Variants in ANKRD33B observed in about 807,000 individuals in gnomAD.
The protein encoded by ANKRD33B is ankyrin repeat domain-containing protein 33B.
Under a neutral mutation model 21.5 loss-of-function variants are expected in ANKRD33B, and 6 were observed. That is an observed-to-expected ratio of 0.28 (90% CI 0.15 to 0.55). ANKRD33B has a LOEUF of 0.55. Among genes scored for constraint, ANKRD33B ranks in the 20% least tolerant of loss-of-function variants. ANKRD33B has a pLI of 0.94. For missense variants in ANKRD33B, 698 were observed against 747.2 expected, an observed-to-expected ratio of 0.93 and a Z score of 0.77; for synonymous variants, 347 against 342.4, an observed-to-expected ratio of 1.01 and a Z score of -0.15.
At chr5:10,601,922 C>T (rs1171534605) in intron 1 of ANKRD33B, among the ~76,000 whole-genome samples, 1 of 152,238 alleles carries the variant, frequency 6.6e-6, no homozygotes, top group Non-Finnish European at 1.5e-5. Context: ...GTAGAGCACC[C>T]AGGAGCTGGT....
chr5:10,610,523 G>A (rs1736147520), intron 1 of ANKRD33B, among the ~76,000 whole-genome samples: 1 of 151,954 alleles, frequency 6.6e-6, no homozygotes, highest in Non-Finnish European at 1.5e-5. Flanking sequence ...TACAGATCAA[G>A]GTTTTAATTT....
At chr5:10,647,261 C>T (rs138408776) in intron 3 of ANKRD33B, among the ~76,000 whole-genome samples, 335 of 152,192 alleles carry the variant, frequency 2.2e-3, no homozygotes, top group African/African-American at 7.7e-3. Context: ...CCTGCCACCA[C>T]GCCCAGCTAA....
At chr5:10,634,667 G>A (rs1346919085) in intron 2 of ANKRD33B, among the ~76,000 whole-genome samples, 2 of 151,170 alleles carry the variant, frequency 1.3e-5, no homozygotes, top group African/African-American at 4.9e-5. Flanking sequence ...TGTTGCCCAG[G>A]CCGGTCTTGA....
At position 10,635,633 on chromosome 5, in the gene ANKRD33B, C is replaced by T. The variant is rs117440162; in HGVS notation, c.497-2395C>T. Among the ~76,000 whole-genome samples, 41 of 152,322 alleles carry T rather than the reference C, an allele frequency of 2.7e-4. No homozygotes were observed. In the East Asian group the frequency reaches 6.9e-3, roughly 26 times the overall value. On this transcript the variant is annotated intron_variant, in intron 2 of 3. Transcript: ENST00000296657. The stretch of plus-strand genomic sequence containing the variant: ...TCAGGAGATGGGCTGAGGTCAATGG[C>T]GAGCTTGCTCCTCAGGAGAGTTCAC...
intron 1 of ANKRD33B, among the ~76,000 whole-genome samples, chr5:10,598,963 G>A (rs549163498): frequency 1.3e-5 from 2 of 152,174 alleles, no homozygotes; most frequent in African/African-American, 4.8e-5. Context: ...GTGAACAGCC[G>A]TATGATTTTG....
In ANKRD33B at chr5:10,618,394, G is replaced by A. The variant is rs746481449; in HGVS notation, c.428G>A (p.Cys143Tyr). Residue 143 changes from cysteine (C) to tyrosine (Y), a missense_variant, in exon 2 of 4, where the codon TGC becomes TAC. Cys to Tyr is a radical substitution (Grantham distance 194). Around this residue, in one of 3 missense-constraint regions of ANKRD33B, gnomAD observed 543 missense variants for 566.5 expected, o/e 0.96. Coordinates refer to ENST00000296657, the MANE Select transcript of ANKRD33B (RefSeq NM_001164440.2). ...FVDTVVALAE[C>Y]PHVDVNWQDS... Reference sequence around the variant, plus strand: ...GATACCGTGGTGGCCTTAGCAGAGTGCCCCCACGTTGACGTCAACTGGCAG... The same window carrying A: ...GATACCGTGGTGGCCTTAGCAGAGTACCCCCACGTTGACGTCAACTGGCAG... 427 of 1,537,568 alleles carry A rather than the reference G, an allele frequency of 2.8e-4. No homozygotes were observed. Among genetic ancestry groups the A allele is most frequent in the Non-Finnish European group, 3.5e-4 (404 of 1,146,998 alleles).
intron 1 of ANKRD33B, among the ~76,000 whole-genome samples, chr5:10,581,355 A>G (rs1265551897): frequency 6.6e-6 from 1 of 152,202 alleles, no homozygotes; most frequent in Non-Finnish European, 1.5e-5. Flanking sequence ...CCTAGGGGAG[A>G]GCAGCCTGTT....
rs144515123 is a variant in ANKRD33B at position 10,640,495 on chromosome 5, C to A, written c.637+2327C>A. On this transcript the variant is annotated intron_variant, in intron 3 of 3. Transcript: ENST00000296657. ...TCTTTTCTTCACTCTGAAATAGAAT[C>A]AATGATCATCCTTCGTGCAACCTCA... is the stretch of plus-strand genomic sequence containing the variant. Among the ~76,000 whole-genome samples, 39 of 152,334 alleles carry A rather than the reference C, an allele frequency of 2.6e-4. 1 individual carries two copies. The highest frequency in any genetic ancestry group is 1.2e-3 in the Admixed American group (18 of 15,302).
intron 1 of ANKRD33B, 51 bp from the exon 2 acceptor site, chr5:10,618,282 C>A: frequency 1.3e-6 from 2 of 1,535,288 alleles, no homozygotes; most frequent in Non-Finnish European, 1.7e-6. Flanking sequence ...AGTGCTGACC[C>A]ACCATGCTCC....
Position 10,639,047 on chromosome 5 carries a change from G to A in ANKRD33B, c.637+879G>A, listed in dbSNP as rs376947623. 1.1e-3 allele frequency among the ~76,000 whole-genome samples: 76 copies of A among 68,374 alleles called. 1 individual carries two copies. The East Asian group carries it at 0.02, about 18-fold the overall frequency. The allele number at this position is 68,374 out of a possible 152,430, so 44.9% of individuals were successfully genotyped here. A position where few individuals can be genotyped will look rare whatever the true frequency, so the allele number is the denominator to read the frequency against. ...TTGCGCGGCGATGTTAGCGGGTGAC[G>A]CGGAGTTGCGCGGCGATGTTAGCGG... On this transcript the variant is annotated intron_variant, in intron 3 of 3. Coordinates refer to ENST00000296657, the MANE Select transcript of ANKRD33B (RefSeq NM_001164440.2).
In ANKRD33B at chr5:10,653,334, G is replaced by A. The variant is rs1737402484; in HGVS notation, c.*3221G>A. On this transcript the variant is annotated 3_prime_UTR_variant, in exon 4 of 4. Coordinates refer to ENST00000296657, the MANE Select transcript of ANKRD33B (RefSeq NM_001164440.2). ...TGCCAAACCTCTTGCCTCGACCTGT[G>A]GGGGGCCTTCTGCTCTTGTTTTCTC... 1 of 152,356 alleles carries A rather than the reference G, an allele frequency of 6.6e-6. No homozygotes were observed. The allele number at this position is 152,356 out of a possible 1,614,324, so 9.4% of individuals were successfully genotyped here. A position where few individuals can be genotyped will look rare whatever the true frequency, so the allele number is the denominator to read the frequency against.
At position 10,571,953 on chromosome 5, in the gene ANKRD33B, A is replaced by G. The variant is rs574158969; in HGVS notation, c.366+7120A>G. Among the ~76,000 whole-genome samples the G allele has an allele frequency of 1.3e-3, 191 of 151,376 alleles. 1 individual carries two copies. Among genetic ancestry groups the G allele is most frequent in the African/African-American group, 4.3e-3 (177 of 41,200 alleles). On this transcript the variant is annotated intron_variant, in intron 1 of 3. Coordinates refer to ENST00000296657, the MANE Select transcript of ANKRD33B (RefSeq NM_001164440.2). ...GCCCAGGCCGGAGTGCAGTGGCGCA[A>G]TCTCGGCTCACTGCAACCTCTGCCT...
chr5:10,647,343 CAGG>C (rs1158967738), intron 3 of ANKRD33B, among the ~76,000 whole-genome samples: 1 of 152,148 alleles, frequency 6.6e-6, no homozygotes, highest in African/African-American at 2.4e-5. Context: ...CCCCTGACGT[CAGG>C]AGATCTGCCC....
In ANKRD33B at chr5:10,640,804, A is replaced by G. The variant is rs181123541; in HGVS notation, c.637+2636A>G. Among the ~76,000 whole-genome samples, 907 of 152,320 alleles carry G rather than the reference A, an allele frequency of 6.0e-3. 4 individuals carry two copies. The highest frequency in any genetic ancestry group is 8.3e-3 in the Non-Finnish European group (563 of 68,030). On this transcript the variant is annotated intron_variant, in intron 3 of 3. Transcript: ENST00000296657. The stretch of plus-strand genomic sequence containing the variant: ...TTGTAACTGTAGAAATTTATTGCTC[A>G]CACTTGGGGAGGCTGAGAAGTCCAA...
intron 1 of ANKRD33B, among the ~76,000 whole-genome samples, chr5:10,571,201 GTTTA>G (rs1402728152): frequency 7.2e-5 from 11 of 151,782 alleles, no homozygotes; most frequent in African/African-American, 1.2e-4. Context: ...AATCTTATTT[GTTTA>G]TTTATTTATT....
intron 3 of ANKRD33B, among the ~76,000 whole-genome samples, chr5:10,641,385 C>T (rs56106945): frequency 0.42 from 63,510 of 151,476 alleles, 13,584 homozygotes; most frequent in Middle Eastern, 0.56. Context: ...CCTGCCACCA[C>T]GCACAGCTAA....
At chr5:10,634,771 A>T (rs556639531) in intron 2 of ANKRD33B, among the ~76,000 whole-genome samples, 1 of 151,264 alleles carries the variant, frequency 6.6e-6, no homozygotes, top group South Asian at 2.1e-4. Flanking sequence ...CTAGATTTCA[A>T]TATGGCGTGT....
chr5:10,650,193 C>T lies in ANKRD33B; in HGVS notation c.*80C>T. On this transcript the variant is annotated 3_prime_UTR_variant, in exon 4 of 4. Coordinates refer to ENST00000296657, the MANE Select transcript of ANKRD33B (RefSeq NM_001164440.2). The stretch of plus-strand genomic sequence containing the variant: ...GCTGGGCGCGGAGAAGGAGGCGGCC[C>T]CGTTGCGCATCGCACCACTTCCGCT... The T allele has an allele frequency of 4.4e-6, 6 of 1,361,612 alleles. No individual in the cohort carries two copies. In the South Asian group the frequency reaches 4.8e-5, roughly 11 times the overall value. The allele number at this position is 1,361,612 out of a possible 1,614,324, so 84.3% of individuals were successfully genotyped here.
chr5:10,580,703 G>C (rs962323004), intron 1 of ANKRD33B, among the ~76,000 whole-genome samples: 3 of 152,004 alleles, frequency 2.0e-5, no homozygotes, highest in African/African-American at 7.3e-5. Flanking sequence ...GGTGTCGGGG[G>C]TGAGGCTTGG....
Sources: allele counts gnomAD v4.1 joint callset (sites outside exome capture counted in the v4.1 genomes callset), GRCh38; gene constraint gnomAD v4.1.1; regional missense constraint gnomAD v4.1.1; transcripts MANE v1.5; gene names NCBI Gene and HGNC (gene_info 2026-07-23, HGNC 2026-07-21).